Variants in CD247 observed in about 807,000 individuals in gnomAD.
CD247 encodes T-cell surface glycoprotein CD3 zeta chain.
A neutral mutation model predicts 30.0 loss-of-function variants in CD247; 13 were observed. The ratio of observed to expected loss-of-function variants is 0.43; its 90% CI spans 0.28 to 0.69. The LOEUF (loss-of-function observed/expected upper bound fraction) is 0.69, where lower values mean the gene tolerates loss of function less well. CD247 is among the 30% of genes least tolerant of loss of function. The probability of loss-of-function intolerance (pLI) is 0.16; values close to 1 mark genes in which losing one functional copy is unlikely to be tolerated. For missense variants in CD247, 193 were observed against 212.6 expected (o/e 0.91, Z 0.57); for synonymous variants, 72 against 80.0 (o/e 0.90, Z 0.53).
intron 1 of CD247, among the ~76,000 whole-genome samples, chr1:167,470,741 T>C (rs528323972): frequency 3.8e-4 from 58 of 152,166 alleles, no homozygotes; most frequent in African/African-American, 1.3e-3. Flanking sequence ...GAGGTATTGC[T>C]ATGTATAATA....
At chr1:167,501,136 C>A (rs1228174901) in intron 1 of CD247, among the ~76,000 whole-genome samples, 2 of 150,782 alleles carry the variant, frequency 1.3e-5, no homozygotes, top group African/African-American at 4.9e-5. Flanking sequence ...CTCACCACAA[C>A]CTCCGCCTCC....
intron 4 of CD247, 124 bp downstream of exon 4, chr1:167,438,446 T>TC: frequency 1.2e-6 from 1 of 811,126 alleles, no homozygotes; most frequent in Non-Finnish European, 2.2e-6. Context: ...TCTTCTCTTG[T>TC]CCTGGGCCCA....
chr1:167,498,213 C>T (rs1338839609), intron 1 of CD247, among the ~76,000 whole-genome samples: 2 of 152,220 alleles, frequency 1.3e-5, no homozygotes, highest in Non-Finnish European at 2.9e-5. Flanking sequence ...CACTGCAGCT[C>T]ACAGACTTCG....
At chr1:167,495,670 C>T (rs1450567577) in intron 1 of CD247, among the ~76,000 whole-genome samples, 1 of 152,098 alleles carries the variant, frequency 6.6e-6, no homozygotes, top group Non-Finnish European at 1.5e-5. Context: ...CACTCTCTCC[C>T]CAAACCCCCA....
chr1:167,492,871 C>T (rs956247505), intron 1 of CD247, among the ~76,000 whole-genome samples: 7 of 152,014 alleles, frequency 4.6e-5, no homozygotes, highest in Admixed American at 4.6e-4. Context: ...GCTATCATGG[C>T]GTCTGCTAGG....
intron 6 of CD247, 43 bp downstream of exon 6, chr1:167,433,977 C>T: frequency 6.4e-7 from 1 of 1,563,420 alleles, no homozygotes; most frequent in Non-Finnish European, 8.8e-7. Flanking sequence ...GTCTGGAGGA[C>T]CAAGAGGAAC....
chr1:167,474,908 A>G (rs367996382), intron 1 of CD247, among the ~76,000 whole-genome samples: 5 of 151,294 alleles, frequency 3.3e-5, no homozygotes, highest in African/African-American at 1.2e-4. Flanking sequence ...GCCCACCACC[A>G]TGCCCGGGTA....
At chr1:167,496,575 GC>G (rs1558027052) in intron 1 of CD247, among the ~76,000 whole-genome samples, 1 of 152,158 alleles carries the variant, frequency 6.6e-6, no homozygotes, top group Non-Finnish European at 1.5e-5. Context: ...TACAGAGCGG[GC>G]AGAGAGTAGG....
intron 1 of CD247, among the ~76,000 whole-genome samples, chr1:167,474,964 C>A (rs542434017): frequency 3.9e-4 from 59 of 151,900 alleles, no homozygotes; most frequent in African/African-American, 1.3e-3. Context: ...GTTGGCCAGG[C>A]TGGTCTCCAA....
chr1:167,444,326 T>C (rs559273091), intron 1 of CD247, among the ~76,000 whole-genome samples: 1 of 152,338 alleles, frequency 6.6e-6, no homozygotes, highest in South Asian at 2.1e-4. Flanking sequence ...CGCCACTCTC[T>C]ACTTGGTCCT....
intron 1 of CD247, among the ~76,000 whole-genome samples, chr1:167,445,113 A>G (rs1370644399): frequency 6.6e-6 from 1 of 151,878 alleles, no homozygotes; most frequent in African/African-American, 2.4e-5. Context: ...TTTAGTAGAG[A>G]TGGGGTTTTG....
At chr1:167,453,453 G>A (rs35856109) in intron 1 of CD247, among the ~76,000 whole-genome samples, 2,269 of 152,096 alleles carry the variant, frequency 0.015, 31 homozygotes, top group South Asian at 0.028. Context: ...ATCTACTTTC[G>A]AGCAAACCCC....
intron 1 of CD247, among the ~76,000 whole-genome samples, chr1:167,516,840 G>C (rs538895900): frequency 1.3e-5 from 2 of 152,046 alleles, no homozygotes; most frequent in Non-Finnish European, 2.9e-5. Flanking sequence ...TGTTTACCAC[G>C]CTTGGCAGCC....
intron 1 of CD247, among the ~76,000 whole-genome samples, chr1:167,468,058 A>T (rs1415828627): frequency 6.6e-6 from 1 of 152,184 alleles, no homozygotes; most frequent in Non-Finnish European, 1.5e-5. Context: ...TTAAATATTT[A>T]TGAAGATACT....
intron 1 of CD247, among the ~76,000 whole-genome samples, chr1:167,490,900 T>C (rs1654418184): frequency 6.6e-6 from 1 of 151,986 alleles, no homozygotes; most frequent in African/African-American, 2.4e-5. Flanking sequence ...ATCACACCAC[T>C]ACATTCCAGT....
intron 4 of CD247, among the ~76,000 whole-genome samples, chr1:167,436,596 C>T (rs1338493823): frequency 6.6e-6 from 1 of 152,102 alleles, no homozygotes; most frequent in Non-Finnish European, 1.5e-5. Flanking sequence ...ACACCGTATA[C>T]AAAAATCAAC....
intron 1 of CD247, among the ~76,000 whole-genome samples, chr1:167,471,311 T>C (rs1653513255): frequency 2.0e-5 from 3 of 152,202 alleles, no homozygotes; most frequent in Admixed American, 2.0e-4. Context: ...CTCTAAATTT[T>C]CTGGGCTATT....
chr1:167,494,736 G>A lies in CD247; in HGVS notation c.58+23672C>T. ...GCATTTTGTATCTCCTATAATTCCT[G>A]GATACAGATAAATGTTTATTAAAGA... On this transcript the variant is annotated intron_variant, in intron 1 of 7. Transcript: ENST00000362089. This position sits in a 1 kb window ranked among gnomAD's most constrained non-coding sequence, Gnocchi z 7.3. Among the ~76,000 whole-genome samples, 1 of 152,070 alleles carries A rather than the reference G, an allele frequency of 6.6e-6. No homozygotes were observed. The highest frequency in any genetic ancestry group is 1.9e-4 in the East Asian group (1 of 5,194).
At chr1:167,486,428 G>C (rs565978788) in intron 1 of CD247, among the ~76,000 whole-genome samples, 13 of 152,318 alleles carry the variant, frequency 8.5e-5, no homozygotes, top group African/African-American at 3.1e-4. Flanking sequence ...GTGAAGATCA[G>C]CTGAGACTGT....
Sources: gnomAD v4.1 joint callset for allele counts (sites outside exome capture counted in the v4.1 genomes callset) on GRCh38, gnomAD v4.1.1 for gene constraint, Gnocchi (gnomAD v3.1) non-coding constraint, MANE v1.5 for transcripts, NCBI Gene and HGNC (gene_info 2026-07-23, HGNC 2026-07-21) for gene names.